Variants in NAV2 observed in about 807,000 individuals in gnomAD.
NAV2 encodes the protein helicase, APC down-regulated 1.
A neutral mutation model predicts 223.2 loss-of-function variants in NAV2; 54 were observed. That is an observed-to-expected ratio of 0.24 (90% CI 0.19 to 0.30). The LOEUF (loss-of-function observed/expected upper bound fraction) is 0.30, where lower values mean the gene tolerates loss of function less well. Ranked by LOEUF, NAV2 falls within the 10% of genes least tolerant of loss-of-function variation. The pLI is 1.00. For synonymous variants in NAV2, 1,279 were observed against 1,239.3 expected (o/e 1.03, Z -0.67); for missense variants, 2,806 against 3,147.5 (o/e 0.89, Z 2.60).
At chr11:19,398,675 G>GTTTCCCGAAC (rs1849563430) in intron 1 of NAV2, among the ~76,000 whole-genome samples, 1 of 151,848 alleles carries the variant, frequency 6.6e-6, no homozygotes, top group African/African-American at 2.4e-5. Context: ...ATTTCCTGAA[G>GTTTCCCGAAC]CTCAGTTTCC....
chr11:19,518,495 C>G (rs1381550453), intron 1 of NAV2: 1 of 152,280 alleles, frequency 6.6e-6, no homozygotes, highest in Non-Finnish European at 1.5e-5. Context: ...GTTCTCCCCG[C>G]TGCACTGCCG....
rs558465337 is a variant in NAV2 at position 19,448,907 on chromosome 11, G to A, written c.75+97880G>A. Among the ~76,000 whole-genome samples, 6 of 152,290 alleles carry A rather than the reference G, an allele frequency of 3.9e-5. No individual in the cohort carries two copies. The South Asian group carries it at 1.2e-3, about 32-fold the overall frequency. On this transcript the variant is annotated intron_variant, in intron 1 of 37. Transcript: ENST00000360655. ...GCCAGAAAGTCAATGTGCTCTCTAA[G>A]AGTGATTGCTAAGGAAATAGAGCTG...
At chr11:19,512,161 A>G (rs1565001206) in intron 1 of NAV2, among the ~76,000 whole-genome samples, 1 of 152,118 alleles carries the variant, frequency 6.6e-6, no homozygotes. Context: ...TCTACCTAGG[A>G]GGCTCTGTTG....
At chr11:19,991,784 C>G (rs1293289936) in intron 11 of NAV2, among the ~76,000 whole-genome samples, 1 of 152,070 alleles carries the variant, frequency 6.6e-6, no homozygotes, top group Non-Finnish European at 1.5e-5. Context: ...CCTTGCTTTT[C>G]CCTCCTTCCT....
At chr11:19,634,854 T>C (rs2047446425) in intron 1 of NAV2, among the ~76,000 whole-genome samples, 1 of 152,156 alleles carries the variant, frequency 6.6e-6, no homozygotes, top group Non-Finnish European at 1.5e-5. Context: ...TGTTGGAGGA[T>C]AATTAGGAAC....
chr11:19,603,994 C>G (rs1283413270), intron 1 of NAV2, among the ~76,000 whole-genome samples: 1 of 152,042 alleles, frequency 6.6e-6, no homozygotes, highest in African/African-American at 2.4e-5. Flanking sequence ...TGGGCATGTT[C>G]AAGGAACAGC....
At chr11:19,677,655 C>G (rs2048753190) in intron 1 of NAV2, among the ~76,000 whole-genome samples, 1 of 152,238 alleles carries the variant, frequency 6.6e-6, no homozygotes, top group African/African-American at 2.4e-5. Flanking sequence ...TTCAGGGTTA[C>G]AGAGAAGCAG....
chr11:19,836,286 G>A (rs543423999), intron 2 of NAV2, among the ~76,000 whole-genome samples: 4 of 151,948 alleles, frequency 2.6e-5, no homozygotes, highest in South Asian at 2.1e-4. Flanking sequence ...GGCCAGGCGC[G>A]GTGGCTCACG....
intron 5 of NAV2, among the ~76,000 whole-genome samples, chr11:19,885,587 G>T (rs1234890303): frequency 6.6e-6 from 1 of 151,836 alleles, no homozygotes; most frequent in Admixed American, 6.6e-5. Context: ...CCCTATTCTT[G>T]GTTCACAGTA....
Position 19,998,041 on chromosome 11 carries a change from A to G in NAV2, c.2768+13794A>G, listed in dbSNP as rs528648757. On this transcript the variant is annotated intron_variant, in intron 11 of 37. Transcript: ENST00000349880. The surrounding 1 kb of genome is among the most constrained non-coding windows in gnomAD (Gnocchi z 5.0). ...TCTCCCCCAAGACTGAGAGGAAGGA[A>G]GCAGAACAAAAGTGTGTTTTTCTCA... 6.6e-6 allele frequency among the ~76,000 whole-genome samples: 1 copy of G among 152,298 alleles called. No homozygotes were observed. The highest frequency in any genetic ancestry group is 1.9e-4 in the East Asian group (1 of 5,176).
At chr11:19,349,882 C>T (rs1853205790), upstream of NAV2, among the ~76,000 whole-genome samples, 1 of 152,110 alleles carries the variant, frequency 6.6e-6, no homozygotes, top group Admixed American at 6.6e-5. Context: ...TGCAGATTCC[C>T]AGGCAGGGAA....
intron 10 of NAV2, among the ~76,000 whole-genome samples, chr11:19,973,715 T>C (rs2049454913): frequency 6.6e-6 from 1 of 152,208 alleles, no homozygotes; most frequent in Non-Finnish European, 1.5e-5. Context: ...GCAGAATACG[T>C]TGAAGGATCT....
At chr11:19,509,046 T>A (rs2043199978) in intron 1 of NAV2, among the ~76,000 whole-genome samples, 1 of 152,274 alleles carries the variant, frequency 6.6e-6, no homozygotes, top group Non-Finnish European at 1.5e-5. Flanking sequence ...TTTCTCATTG[T>A]ATCCTCAAAT....
chr11:19,442,693 C>T (rs957150835), intron 1 of NAV2, among the ~76,000 whole-genome samples: 32 of 152,164 alleles, frequency 2.1e-4, no homozygotes, highest in African/African-American at 7.5e-4. Context: ...GCTCTGGTTC[C>T]ACCCTGCCAC....
Position 20,083,104 on chromosome 11 carries a change from C to T in NAV2, c.5423C>T (p.Pro1808Leu), listed in dbSNP as rs760269914. Residue 1808 changes from proline (P) to leucine (L), a missense_variant, in exon 26 of 38, where the codon CCT becomes CTT. Physicochemically the swap from Pro to Leu is moderately conservative, Grantham distance 98 (BLOSUM62 -3). Around this residue, in one of 4 missense-constraint regions of NAV2, gnomAD observed 824 missense variants for 1,069.4 expected, o/e 0.77. Transcript: ENST00000349880. ...GAGGAGATGACGGATTCTTCTTTGC[C>T]TTCCTCACCAAAGTTACCGCACAAT... is the stretch of plus-strand genomic sequence containing the variant. ...DIEEMTDSSLPSSPKLPHNGS... is the reference protein window; with the variant it reads ...DIEEMTDSSLLSSPKLPHNGS... 2 of 1,614,108 alleles carry T rather than the reference C, an allele frequency of 1.2e-6. No homozygotes were observed. The highest frequency in any genetic ancestry group is 3.3e-5 in the Admixed American group (2 of 60,020).
chr11:20,094,514 C>T (rs1283984880), intron 29 of NAV2, among the ~76,000 whole-genome samples: 3 of 152,136 alleles, frequency 2.0e-5, no homozygotes, highest in Non-Finnish European at 2.9e-5. Context: ...AGGCGTGAAC[C>T]ACCACAGCCG....
intron 1 of NAV2, among the ~76,000 whole-genome samples, chr11:19,777,102 CCCA>C (rs1464262744): frequency 6.6e-5 from 10 of 150,762 alleles, no homozygotes; most frequent in African/African-American, 2.4e-4. Flanking sequence ...GACCCCCCCC[CCCA>C]CCCCGCCCTC....
intron 10 of NAV2, among the ~76,000 whole-genome samples, chr11:19,958,032 G>A (rs200444830): frequency 6.6e-6 from 1 of 152,182 alleles, no homozygotes; most frequent in East Asian, 1.9e-4. Context: ...CCTGCATCCT[G>A]TGGGAAGGAA....
At chr11:19,804,375 A>G (rs752218701) in intron 1 of NAV2, among the ~76,000 whole-genome samples, 3 of 152,190 alleles carry the variant, frequency 2.0e-5, no homozygotes, top group Non-Finnish European at 2.9e-5. Flanking sequence ...CTTGCAAGGT[A>G]TCTAAGTGCT....
Sources: gnomAD v4.1 joint callset for allele counts (sites outside exome capture counted in the v4.1 genomes callset) on GRCh38, gnomAD v4.1.1 for gene constraint, gnomAD v4.1.1 regional missense constraint, Gnocchi (gnomAD v3.1) non-coding constraint, MANE v1.5 for transcripts, NCBI Gene and HGNC (gene_info 2026-07-23, HGNC 2026-07-21) for gene names.